CNTN5: variants seen among roughly 807,000 people sequenced by gnomAD.
CNTN5 encodes contactin 5.
Under a neutral mutation model 129.1 loss-of-function variants are expected in CNTN5, and 77 were observed. The observed-to-expected ratio is 0.60, with a 90% CI of 0.50 to 0.72. The LOEUF is 0.72. CNTN5 is among the 30% of genes least tolerant of loss of function. CNTN5 has a pLI of 0.00. For missense variants in CNTN5, 1,478 were observed against 1,328.8 expected (o/e 1.11, Z -1.75); for synonymous variants, 509 against 465.6 (o/e 1.09, Z -1.20).
At chr11:100,161,757 GCAGAGGT>G (rs1019288138) in intron 13 of CNTN5, among the ~76,000 whole-genome samples, 2 of 149,462 alleles carry the variant, frequency 1.3e-5, no homozygotes, top group South Asian at 2.2e-4. Context: ...TTTAGTAAAA[GCAGAGGT>G]CAGAGGTCTG....
At chr11:100,289,621 G>A (rs1950902936) in intron 18 of CNTN5, among the ~76,000 whole-genome samples, 1 of 151,908 alleles carries the variant, frequency 6.6e-6, no homozygotes, top group Non-Finnish European at 1.5e-5. Context: ...AAAATAATAA[G>A]AGCTATCTAT....
chr11:99,790,329 C>G (rs370361496), intron 3 of CNTN5, among the ~76,000 whole-genome samples: 1 of 152,004 alleles, frequency 6.6e-6, no homozygotes, highest in African/African-American at 2.4e-5. Context: ...CCTTCTCTCT[C>G]CTTCCACCTC....
intron 19 of CNTN5, 38 bp downstream of exon 19, chr11:100,297,733 GTT>G (rs1446039341): frequency 2.1e-6 from 3 of 1,439,314 alleles, no homozygotes; most frequent in Non-Finnish European, 2.9e-6. Flanking sequence ...TACTCCACGT[GTT>G]TGTTTGGCTT....
At chr11:99,501,240 G>T (rs1946417296) in intron 2 of CNTN5, among the ~76,000 whole-genome samples, 1 of 152,088 alleles carries the variant, frequency 6.6e-6, no homozygotes, top group Non-Finnish European at 1.5e-5. Context: ...TTATAATTGG[G>T]ACGCTCAGTG....
intron 1 of CNTN5, among the ~76,000 whole-genome samples, chr11:99,275,057 C>A (rs949479470): frequency 5.3e-5 from 8 of 151,316 alleles, no homozygotes; most frequent in African/African-American, 1.7e-4. Flanking sequence ...GAATATATAT[C>A]TATAAATGTG....
rs183322953 is a variant in CNTN5 at position 99,637,004 on chromosome 11, T to C, written c.55+80735T>C. ...CTCCAGCCTGGTGACAGAGCTAACT[T>C]TGTCTCAAAAAAAAAAAAAAAAAAA... On this transcript the variant is annotated intron_variant, in intron 3 of 24. Coordinates refer to ENST00000524871, the MANE Select transcript of CNTN5 (RefSeq NM_014361.4). Among the ~76,000 whole-genome samples the C allele has an allele frequency of 8.0e-4, 4 of 5,012 alleles. 2 individuals are homozygous for C. The Middle Eastern group carries it at 0.5, about 626-fold the overall frequency. The allele number at this position is 5,012 out of a possible 152,430, so 3.3% of individuals were successfully genotyped here. A position where few individuals can be genotyped will look rare whatever the true frequency, so the allele number is the denominator to read the frequency against.
chr11:99,852,359 G>A (rs1471071785), intron 6 of CNTN5, among the ~76,000 whole-genome samples: 2 of 152,156 alleles, frequency 1.3e-5, no homozygotes, highest in African/African-American at 4.8e-5. Context: ...TTAAAATACT[G>A]TATAGATGGT....
chr11:99,120,897 T>C (rs183074167), intron 1 of CNTN5, among the ~76,000 whole-genome samples: 1 of 152,142 alleles, frequency 6.6e-6, no homozygotes, highest in Non-Finnish European at 1.5e-5. Flanking sequence ...TGCACATAAT[T>C]TACCCAGGCT....
chr11:99,632,108 G>A (rs552559176), intron 3 of CNTN5, among the ~76,000 whole-genome samples: 19 of 152,152 alleles, frequency 1.2e-4, no homozygotes, highest in East Asian at 3.9e-4. Context: ...TATACCCTGC[G>A]AATAAGTGGG....
chr11:99,879,597 T>A (rs987061731), intron 6 of CNTN5, among the ~76,000 whole-genome samples: 1 of 152,164 alleles, frequency 6.6e-6, no homozygotes, highest in Non-Finnish European at 1.5e-5. Context: ...AGTTTGGGTT[T>A]TTTTTCTGAT....
chr11:100,007,554 C>T (rs1056372981), intron 9 of CNTN5, among the ~76,000 whole-genome samples: 10 of 151,990 alleles, frequency 6.6e-5, no homozygotes, highest in Non-Finnish European at 1.2e-4. Flanking sequence ...CCTTATAAAC[C>T]AGCCTCTGCT....
chr11:100,041,279 A>G (rs1942363967), intron 9 of CNTN5, among the ~76,000 whole-genome samples: 1 of 152,186 alleles, frequency 6.6e-6, no homozygotes, highest in Non-Finnish European at 1.5e-5. Flanking sequence ...GACTCTTGCC[A>G]CACTAGATTG....
chr11:99,588,072 A>G (rs970868516), intron 3 of CNTN5, among the ~76,000 whole-genome samples: 3 of 152,156 alleles, frequency 2.0e-5, no homozygotes, highest in Non-Finnish European at 4.4e-5. Flanking sequence ...GGCCGGGCGC[A>G]GTGGCTCACG....
In CNTN5 at chr11:99,106,017, G is replaced by A. The variant is rs1051587889; in HGVS notation, c.-210+84747G>A. Among the ~76,000 whole-genome samples, 32 of 152,216 alleles carry A rather than the reference G, an allele frequency of 2.1e-4. 1 individual carries two copies. The highest frequency in any genetic ancestry group is 8.3e-4 in the South Asian group (4 of 4,832). On this transcript the variant is annotated intron_variant, in intron 1 of 24. Coordinates refer to ENST00000524871, the MANE Select transcript of CNTN5 (RefSeq NM_014361.4). Reference sequence around the variant, plus strand: ...ACATGAAAAATCTAAGTTAAACAACGTAAGGGGAGTATCTGCAAACTTCAT... The same window carrying A: ...ACATGAAAAATCTAAGTTAAACAACATAAGGGGAGTATCTGCAAACTTCAT...
At chr11:99,999,615 C>T (rs985319956) in intron 8 of CNTN5, among the ~76,000 whole-genome samples, 10 of 152,050 alleles carry the variant, frequency 6.6e-5, no homozygotes, top group South Asian at 6.2e-4. Context: ...CTCAGGGATC[C>T]AGAACTAGAA....
chr11:100,276,527 C>CAAAAAAAAAAAAA (rs56774234), intron 18 of CNTN5, among the ~76,000 whole-genome samples: 1 of 70,072 alleles, frequency 1.4e-5, no homozygotes, highest in East Asian at 4.4e-4. Context: ...GAGACTCTCT[C>CAAAAAAAAAAAAA]AAAAAAAAAA....
At chr11:99,587,234 T>G (rs1179625651) in intron 3 of CNTN5, among the ~76,000 whole-genome samples, 2 of 152,202 alleles carry the variant, frequency 1.3e-5, no homozygotes, top group Non-Finnish European at 2.9e-5. Context: ...AGCTGCCTAC[T>G]CTATACTGCA....
At chr11:99,059,450 G>C (rs1864781142) in intron 1 of CNTN5, among the ~76,000 whole-genome samples, 1 of 152,050 alleles carries the variant, frequency 6.6e-6, no homozygotes, top group Non-Finnish European at 1.5e-5. Flanking sequence ...ATTTTTAAAA[G>C]TTTCTCAGAG....
At chr11:99,136,818 C>T (rs1859250903) in intron 1 of CNTN5, among the ~76,000 whole-genome samples, 1 of 151,898 alleles carries the variant, frequency 6.6e-6, no homozygotes, top group Admixed American at 6.6e-5. Context: ...TGTTTCATCC[C>T]ACTGTTGATG....
Sources: allele counts gnomAD v4.1 joint callset (sites outside exome capture counted in the v4.1 genomes callset), GRCh38; gene constraint gnomAD v4.1.1; transcripts MANE v1.5; gene names NCBI Gene and HGNC (gene_info 2026-07-23, HGNC 2026-07-21).